SPAG17: variants seen among roughly 807,000 people sequenced by gnomAD.
The protein encoded by SPAG17 is sperm associated antigen 17.
In SPAG17, 169 loss-of-function variants were observed where a neutral mutation model predicts 273.6. That is an observed-to-expected ratio of 0.62 (90% CI 0.55 to 0.70). The LOEUF (loss-of-function observed/expected upper bound fraction) is 0.70. SPAG17 is among the 30% of genes least tolerant of loss of function. The pLI, the probability that SPAG17 is intolerant of heterozygous loss-of-function variation, is 0.00. For missense variants in SPAG17, 2,557 were observed against 2,627.8 expected (o/e 0.97, Z 0.59); for synonymous variants, 825 against 873.2 (o/e 0.94, Z 0.97).
chr1:117,995,375 G>T (rs933764472), intron 34 of SPAG17, among the ~76,000 whole-genome samples: 5 of 151,904 alleles, frequency 3.3e-5, no homozygotes, highest in African/African-American at 1.2e-4. Flanking sequence ...ACTGAAACAG[G>T]GTCCATGCCT....
intron 18 of SPAG17, among the ~76,000 whole-genome samples, chr1:118,063,445 T>C (rs1571383588): frequency 6.6e-6 from 1 of 152,272 alleles, no homozygotes; most frequent in African/African-American, 2.4e-5. Flanking sequence ...TCTACAACCA[T>C]CTGATCTTTG....
intron 3 of SPAG17, among the ~76,000 whole-genome samples, chr1:118,132,341 G>A (rs1316017247): frequency 6.6e-6 from 1 of 152,212 alleles, no homozygotes; most frequent in Non-Finnish European, 1.5e-5. Context: ...GCCAGAGAAA[G>A]TAGCATATTC....
rs141845079 is a variant in SPAG17 at position 118,142,558 on chromosome 1, G to C, written c.315+7985C>G. Among the ~76,000 whole-genome samples, 660 of 152,208 alleles carry C rather than the reference G, an allele frequency of 4.3e-3. 10 individuals carry two copies. The highest frequency in any genetic ancestry group is 0.015 in the African/African-American group (634 of 41,534). ...TCATGTTCTGATGTTGAATATTGCT[G>C]AGAATAGAAATTTTAAAAATAATAG... is the stretch of plus-strand genomic sequence containing the variant. On this transcript the variant is annotated intron_variant, in intron 3 of 48. Coordinates refer to ENST00000336338, the MANE Select transcript of SPAG17 (RefSeq NM_206996.4).
intron 31 of SPAG17, among the ~76,000 whole-genome samples, chr1:118,007,588 A>AC (rs1659028597): frequency 6.6e-6 from 1 of 152,144 alleles, no homozygotes; most frequent in South Asian, 2.1e-4. Context: ...CCCTCCAGGG[A>AC]CCACACACAC....
At chr1:117,969,482 G>A (rs1404157460) in intron 46 of SPAG17, among the ~76,000 whole-genome samples, 2 of 152,098 alleles carry the variant, frequency 1.3e-5, no homozygotes, top group Non-Finnish European at 2.9e-5. Context: ...AGGAGGCTGA[G>A]GCAGGAGAAG....
At chr1:118,062,126 G>C (rs1040903483) in intron 18 of SPAG17, among the ~76,000 whole-genome samples, 3 of 152,048 alleles carry the variant, frequency 2.0e-5, no homozygotes, top group Non-Finnish European at 4.4e-5. Flanking sequence ...CCAGCACTTT[G>C]GGAGGCCGAG....
chr1:117,956,567 C>T (rs1652227234), intron 48 of SPAG17, among the ~76,000 whole-genome samples: 1 of 152,124 alleles, frequency 6.6e-6, no homozygotes, highest in Admixed American at 6.5e-5. Flanking sequence ...GGTTTGTAAT[C>T]CCATTTGATA....
intron 23 of SPAG17, among the ~76,000 whole-genome samples, chr1:118,038,558 G>T (rs778185191): frequency 4.6e-5 from 7 of 152,054 alleles, no homozygotes; most frequent in Non-Finnish European, 1.0e-4. Flanking sequence ...ATAAAATTGT[G>T]GTACATCTAG....
At chr1:117,990,729 A>G (rs1285861364) in intron 38 of SPAG17, 132 bp downstream of exon 38, 2 of 556,236 alleles carry the variant, frequency 3.6e-6, no homozygotes, top group East Asian at 6.3e-5. Context: ...ACAACACAAC[A>G]TGGCCGATAC....
chr1:118,152,099 C>G (rs181315407), intron 1 of SPAG17, among the ~76,000 whole-genome samples: 1 of 152,124 alleles, frequency 6.6e-6, no homozygotes, highest in Non-Finnish European at 1.5e-5. Context: ...AAGCTACTCA[C>G]GCAAATCAGT....
intron 34 of SPAG17, among the ~76,000 whole-genome samples, chr1:117,995,185 A>C (rs1031081420): frequency 2.0e-5 from 3 of 151,894 alleles, no homozygotes; most frequent in African/African-American, 7.3e-5. Flanking sequence ...ACCATTACCT[A>C]CCCACTAGCT....
At position 118,091,667 on chromosome 1, in the gene SPAG17, A is replaced by C. The variant is rs752120749; in HGVS notation, c.1298T>G (p.Leu433Arg). ...AATGAATTCCTCTCGAATTGGATTC[A>C]GCAAATAATTGTAATATCTCATGTC... The part of the protein sequence containing the change: ...EVDMRYYNYL[L>R]NPIREEFISV... Residue 433 changes from leucine to arginine, a missense_variant, in exon 10 of 49, where the codon CTG becomes CGG. By Grantham distance (102) the Leu-to-Arg change is moderately radical. Transcript: ENST00000336338. 1 of 1,612,990 alleles carries C rather than the reference A, an allele frequency of 6.2e-7. No homozygotes were observed. Among genetic ancestry groups the C allele is most frequent in the Non-Finnish European group, 8.5e-7 (1 of 1,179,174 alleles).
intron 3 of SPAG17, among the ~76,000 whole-genome samples, chr1:118,142,117 G>A (rs1479338015): frequency 3.3e-5 from 5 of 152,038 alleles, no homozygotes; most frequent in Admixed American, 2.6e-4. Context: ...TAAGATAAAT[G>A]TGGTATATAC....
chr1:118,036,364 A>T lies in SPAG17; in HGVS notation c.3433+406T>A, dbSNP rs193170264. Among the ~76,000 whole-genome samples the T allele has an allele frequency of 4.2e-3, 645 of 152,054 alleles. 4 individuals carry two copies. Among genetic ancestry groups the T allele is most frequent in the African/African-American group, 0.015 (613 of 41,436 alleles). On this transcript the variant is annotated intron_variant, in intron 24 of 48. Coordinates refer to ENST00000336338, the MANE Select transcript of SPAG17 (RefSeq NM_206996.4). ...AAGAAAACCAAGAGGATTCCTTGGC[A>T]ATTTATGCTTTCTTTTACACCCAAC...
At chr1:118,115,774 T>C (rs558810217) in intron 3 of SPAG17, among the ~76,000 whole-genome samples, 1 of 152,322 alleles carries the variant, frequency 6.6e-6, no homozygotes, top group African/African-American at 2.4e-5. Flanking sequence ...GATAGGGTGA[T>C]TCATGCTACA....
At chr1:118,153,368 A>G (rs1363207135) in intron 1 of SPAG17, among the ~76,000 whole-genome samples, 4 of 152,220 alleles carry the variant, frequency 2.6e-5, no homozygotes, top group Non-Finnish European at 5.9e-5. Context: ...TTTTGGCAGA[A>G]CCTCATGGAG....
intron 38 of SPAG17, 146 bp from the exon 39 acceptor site, chr1:117,988,350 G>C (rs2101630497): frequency 2.1e-6 from 1 of 484,920 alleles, no homozygotes; most frequent in Non-Finnish European, 3.6e-6. Context: ...TGACCAAGCT[G>C]TAATACAACA....
At chr1:118,151,511 C>G in intron 1 of SPAG17, 142 bp from the exon 2 acceptor site, 1 of 826,088 alleles carries the variant, frequency 1.2e-6, no homozygotes, top group Non-Finnish European at 1.7e-6. Context: ...ATGTGGTTTT[C>G]TGATTGAAGT....
At chr1:117,991,242 T>C (rs1657038582) in intron 37 of SPAG17, among the ~76,000 whole-genome samples, 173 bp downstream of exon 37, 2 of 152,204 alleles carry the variant, frequency 1.3e-5, no homozygotes, top group Admixed American at 1.3e-4. Flanking sequence ...CTAAAATGTA[T>C]TTGGAAAATG....
Sources: allele counts gnomAD v4.1 joint callset (sites outside exome capture counted in the v4.1 genomes callset), GRCh38; gene constraint gnomAD v4.1.1; transcripts MANE v1.5; gene names NCBI Gene and HGNC (gene_info 2026-07-23, HGNC 2026-07-21).